The following RYR1 variants were observed in gnomAD, a reference collection of about 807,000 sequenced individuals.
RYR1 encodes ryanodine receptor 1, also known as central core disease of muscle.
RYR1 carries 342 observed loss-of-function variants against 583.5 expected under a neutral mutation model. That is an observed-to-expected ratio of 0.59 (90% confidence interval 0.54 to 0.64). RYR1 has a LOEUF of 0.64. RYR1 is among the 30% of genes least tolerant of loss of function. RYR1 has a pLI of 0.00. For synonymous variants in RYR1, 2,791 were observed against 2,822.5 expected (o/e 0.99, Z 0.35); for missense variants, 6,032 against 6,917.2 (o/e 0.87, Z 4.54).
rs200793331 is a variant in RYR1 at position 38,504,713 on chromosome 19, C to T, written c.8068-35C>T. ...TCCTGGGGGTCAGTAAGGCTTATAG[C>T]GACCTCCTACCCCTGCTTCACCCGG... is the stretch of plus-strand genomic sequence containing the variant. On this transcript the variant is annotated intron_variant, in intron 50 of 105. Coordinates refer to ENST00000359596, the MANE Select transcript of RYR1 (RefSeq NM_000540.3). 1.2e-3 allele frequency: 1,878 copies of T among 1,569,060 alleles called. 9 individuals are homozygous for T. In the African/African-American group the frequency reaches 0.016, roughly 13 times the overall value.
rs1972276897 is a variant in RYR1, at chr19:38,543,261, A to G, written c.11690-86A>G. ...GCATACAATAGGAACTCAACACATG[A>G]GTATTGCATAAATGAATAAATGACC... On this transcript the variant is annotated intron_variant, in intron 84 of 105. Coordinates refer to ENST00000359596, the MANE Select transcript of RYR1 (RefSeq NM_000540.3). The surrounding 1 kb of genome is among the most constrained non-coding windows in gnomAD (Gnocchi z 4.4). 1.8e-6 allele frequency: 2 copies of G among 1,110,914 alleles called. No individual in the cohort carries two copies. Among genetic ancestry groups the G allele is most frequent in the African/African-American group, 1.5e-5 (1 of 65,090 alleles). 68.8% of individuals were successfully genotyped at this position (1,110,914 alleles called of 1,614,324 possible).
intron 96 of RYR1, among the ~76,000 whole-genome samples, chr19:38,575,706 G>A (rs537940202): frequency 2.0e-5 from 3 of 152,322 alleles, no homozygotes; most frequent in Non-Finnish European, 2.9e-5. Context: ...AGGAGGCTGA[G>A]GCAGGAGAAT....
At chr19:38,506,754 C>T in intron 56 of RYR1, 75 bp from the exon 57 acceptor site, 5 of 1,605,900 alleles carry the variant, frequency 3.1e-6, no homozygotes, top group Non-Finnish European at 4.3e-6. Flanking sequence ...GCATGCCGGG[C>T]ACTGCAGGAA....
chr19:38,473,433 C>T lies in RYR1; in HGVS notation c.3822C>T (p.Arg1274=). The change falls in exon 28 of 106, where the codon CGC becomes CGT. Residue 1274 remains arginine (R), a synonymous_variant. Transcript: ENST00000359596. ...CCCCCTGCCTGCGCCTGACCCACCG[C>T]ACCTGGGGCTCCCAGAACAGCCTGG... The part of the protein sequence containing the change: ...DTPPCLRLTH[R]TWGSQNSLVE... The T allele has an allele frequency of 6.2e-7, 1 of 1,613,970 alleles. No individual in the cohort carries two copies. The highest frequency in any genetic ancestry group is 2.2e-5 in the East Asian group (1 of 44,864).
At chr19:38,466,009 C>A in intron 23 of RYR1, 82 bp from the exon 24 acceptor site, 2 of 1,325,342 alleles carry the variant, frequency 1.5e-6, no homozygotes, top group Non-Finnish European at 1.1e-6. Context: ...GGACAAGGGT[C>A]AGCAGTCAGG....
chr19:38,473,114 A>AC (rs1180154179), intron 27 of RYR1, among the ~76,000 whole-genome samples: 1 of 151,592 alleles, frequency 6.6e-6, no homozygotes, highest in African/African-American at 2.4e-5. Flanking sequence ...TTTGGAAGTT[A>AC]CCCCAAGTGA....
intron 92 of RYR1, 123 bp from the exon 93 acceptor site, chr19:38,567,650 T>C: frequency 7.2e-7 from 1 of 1,383,502 alleles, no homozygotes; most frequent in Non-Finnish European, 1.0e-6. Context: ...TCATCCCATG[T>C]ACCCAGTACC....
rs1381575950 is a variant in RYR1 at position 38,472,042 on chromosome 19, A to G, written c.3766-1335A>G. On this transcript the variant is annotated intron_variant, in intron 27 of 105. Coordinates refer to ENST00000359596, the MANE Select transcript of RYR1 (RefSeq NM_000540.3). ...GAGGTCAACGTGAGGAGGGGCATGA[A>G]AGAGAACAACTTTCATTGTTTACCG... is the stretch of plus-strand genomic sequence containing the variant. Among the ~76,000 whole-genome samples, 3 of 152,200 alleles carry G rather than the reference A, an allele frequency of 2.0e-5. No homozygotes were observed. In the East Asian group the frequency reaches 5.8e-4, roughly 29 times the overall value.
In RYR1 at chr19:38,455,253, C is replaced by G. The variant is rs780898260; in HGVS notation, c.1459C>G (p.Leu487Val). The stretch of plus-strand genomic sequence containing the variant: ...ATCCTAGGGGATGCTCTCCATGGTC[C>G]TGAATTGCATAGACCGCCTAAATGT... Reference protein sequence around the residue: ...FQEEGMLSMVLNCIDRLNVYT... With the variant: ...FQEEGMLSMVVNCIDRLNVYT... Residue 487 changes from leucine to valine, a missense_variant, in exon 14 of 106, where the codon CTG becomes GTG. Coordinates refer to ENST00000359596, the MANE Select transcript of RYR1 (RefSeq NM_000540.3). 1 of 1,614,088 alleles carries G rather than the reference C, an allele frequency of 6.2e-7. No homozygotes were observed. The highest frequency in any genetic ancestry group is 8.5e-7 in the Non-Finnish European group (1 of 1,179,996).
intron 1 of RYR1, among the ~76,000 whole-genome samples, chr19:38,440,341 G>A (rs1013197183): frequency 2.0e-5 from 3 of 151,968 alleles, no homozygotes; most frequent in African/African-American, 4.8e-5. Flanking sequence ...GAGTTCGAGA[G>A]CAGCCTGGCC....
intron 33 of RYR1, among the ~76,000 whole-genome samples, chr19:38,484,529 G>T (rs998723714): frequency 6.7e-6 from 1 of 149,236 alleles, no homozygotes; most frequent in African/African-American, 2.5e-5. Context: ...TATGTGCTAG[G>T]TAGTATTCCA....
intron 66 of RYR1, among the ~76,000 whole-genome samples, chr19:38,518,623 A>C (rs973936194): frequency 6.6e-6 from 1 of 151,346 alleles, no homozygotes; most frequent in Admixed American, 6.6e-5. Context: ...GTCAGGGGTC[A>C]TGCTAGTTAA....
intron 34 of RYR1, among the ~76,000 whole-genome samples, chr19:38,487,112 A>G (rs1969334791): frequency 6.6e-6 from 1 of 151,974 alleles, no homozygotes; most frequent in African/African-American, 2.4e-5. Flanking sequence ...CTATGCGTCC[A>G]TCCATACCTA....
At chr19:38,457,045 C>CAAAAAAAAAA (rs35088425) in intron 16 of RYR1, among the ~76,000 whole-genome samples, 1 of 19,588 alleles carries the variant, frequency 5.1e-5, no homozygotes, top group African/African-American at 2.1e-4. Context: ...GACTCCATCT[C>CAAAAAAAAAA]CAAAAAAAAA....
At chr19:38,489,002 C>T (rs1969427210) in intron 34 of RYR1, among the ~76,000 whole-genome samples, 175 bp from the exon 35 acceptor site, 1 of 151,958 alleles carries the variant, frequency 6.6e-6, no homozygotes, top group Non-Finnish European at 1.5e-5. Context: ...CTGGGTGGAT[C>T]TTAAGGAGGG....
At position 38,494,623 on chromosome 19, in the gene RYR1, C is replaced by T. The variant is rs768963605; in HGVS notation, c.6546C>T (p.Ile2182=). 2.5e-6 allele frequency: 4 copies of T among 1,614,050 alleles called. No individual in the cohort carries two copies. In the South Asian group the frequency reaches 3.3e-5, roughly 13 times the overall value. The part of the protein sequence containing the change: ...PQEENLMIQS[I]GNIMNNKVFY... ...AGGAGAACCTCATGATCCAGAGCAT[C>T]GGGTGAGACACCGCCCTTCCCCCTT... The change falls in exon 39 of 106, where the codon ATC becomes ATT. Residue 2182 remains isoleucine (I), a splice_region_variant and synonymous_variant. Transcript: ENST00000359596.
chr19:38,444,747 A>G lies in RYR1; in HGVS notation c.631+70A>G. 1 of 1,206,474 alleles carries G rather than the reference A, an allele frequency of 8.3e-7. No individual in the cohort carries two copies. The highest frequency in any genetic ancestry group is 2.0e-5 in the Admixed American group (1 of 51,032). 74.7% of individuals were successfully genotyped at this position (1,206,474 alleles called of 1,614,324 possible). A position where few individuals can be genotyped will look rare whatever the true frequency, so the allele number is the denominator to read the frequency against. On this transcript the variant is annotated intron_variant, in intron 7 of 105. Coordinates refer to ENST00000359596, the MANE Select transcript of RYR1 (RefSeq NM_000540.3). This position sits in a 1 kb window ranked among gnomAD's most constrained non-coding sequence, Gnocchi z 5.1. Reference sequence around the variant, plus strand: ...AGACCCTTAATGTTGCCCTTCAGGCATACCCAAATGGAGCCTTGGAACCTC... The same window carrying G: ...AGACCCTTAATGTTGCCCTTCAGGCGTACCCAAATGGAGCCTTGGAACCTC...
intron 1 of RYR1, among the ~76,000 whole-genome samples, chr19:38,435,814 A>G (rs945509825): frequency 6.6e-6 from 1 of 152,228 alleles, no homozygotes; most frequent in African/African-American, 2.4e-5. Flanking sequence ...GCACACATGC[A>G]TAGACATGAC....
At chr19:38,498,704 A>G (rs1969957777) in intron 42 of RYR1, among the ~76,000 whole-genome samples, 1 of 152,094 alleles carries the variant, frequency 6.6e-6, no homozygotes, top group South Asian at 2.1e-4. Context: ...TTGCCATGAC[A>G]TTTGTAAACT....
Sources: allele counts gnomAD v4.1 joint callset (sites outside exome capture counted in the v4.1 genomes callset), GRCh38; gene constraint gnomAD v4.1.1; non-coding constraint Gnocchi (gnomAD v3.1); transcripts MANE v1.5; gene names NCBI Gene and HGNC (gene_info 2026-07-23, HGNC 2026-07-21).